SPIRE1: variants seen among roughly 807,000 people sequenced by gnomAD.
The protein encoded by SPIRE1 is spire type actin nucleation factor 1.
SPIRE1 carries 40 observed loss-of-function variants against 94.1 expected under a neutral mutation model. That is an observed-to-expected ratio of 0.43 (90% CI 0.33 to 0.55). The LOEUF is 0.55. SPIRE1 is among the 20% of genes least tolerant of loss of function. The pLI, the probability that SPIRE1 is intolerant of heterozygous loss-of-function variation, is 0.06. For synonymous variants in SPIRE1, 376 were observed against 371.7 expected (o/e 1.01, Z -0.13); for missense variants, 838 against 975.2 (o/e 0.86, Z 1.87).
At chr18:12,457,455 G>A (rs1326290137) in intron 12 of SPIRE1, among the ~76,000 whole-genome samples, 1 of 112,824 alleles carries the variant, frequency 8.9e-6, no homozygotes, top group African/African-American at 5.6e-5. Context: ...CAGCTAGAGC[G>A]GGAGCCCTTC....
chr18:12,521,511 A>G (rs1248874891), intron 4 of SPIRE1, among the ~76,000 whole-genome samples: 1 of 151,632 alleles, frequency 6.6e-6, no homozygotes, highest in Non-Finnish European at 1.5e-5. Context: ...TTTTTGTAGT[A>G]TTAGTAGAGA....
intron 2 of SPIRE1, among the ~76,000 whole-genome samples, chr18:12,586,458 T>C (rs927370375): frequency 1.3e-5 from 2 of 152,194 alleles, no homozygotes; most frequent in African/African-American, 4.8e-5. Flanking sequence ...TTCCATAGGC[T>C]GGAAATGAAG....
Position 12,452,371 on chromosome 18 carries a change from T to C in SPIRE1, c.1896A>G (p.Pro632=), listed in dbSNP as rs370928358. ...CCKKMRLPSK[P]YSTLPIFSLG... ...ATGAAAAGATAGGAAGAGTGGAGTA[T>C]GGTTTGGAGGGCAGCCGCATCTATT... The change falls in exon 16 of 17, where the codon CCA becomes CCG. Residue 632 remains proline, a synonymous_variant. Transcript: ENST00000409402. The C allele has an allele frequency of 2.9e-5, 47 of 1,613,970 alleles. No homozygotes were observed. Among genetic ancestry groups the C allele is most frequent in the Admixed American group, 5.0e-5 (3 of 59,988 alleles).
intron 6 of SPIRE1, among the ~76,000 whole-genome samples, chr18:12,498,515 T>C (rs1178154174): frequency 6.6e-6 from 1 of 152,178 alleles, no homozygotes; most frequent in Non-Finnish European, 1.5e-5. Context: ...CCTAAAGTGC[T>C]GGGATTTCAG....
intron 1 of SPIRE1, among the ~76,000 whole-genome samples, chr18:12,637,097 C>T (rs902913319): frequency 3.9e-5 from 6 of 152,276 alleles, no homozygotes; most frequent in East Asian, 3.9e-4. Context: ...CAGTGGCTCA[C>T]GCCTGTAATC....
intron 2 of SPIRE1, among the ~76,000 whole-genome samples, chr18:12,574,289 G>T (rs915807263): frequency 6.6e-5 from 10 of 152,170 alleles, no homozygotes; most frequent in Non-Finnish European, 1.5e-4. Context: ...CAGTGTTAGA[G>T]AACGGATTAA....
chr18:12,614,197 A>G (rs1443957515), intron 2 of SPIRE1, among the ~76,000 whole-genome samples: 1 of 152,072 alleles, frequency 6.6e-6, no homozygotes, highest in Non-Finnish European at 1.5e-5. Flanking sequence ...GAAGGTGCAG[A>G]CTGCAGTGAG....
At position 12,497,475 on chromosome 18, in the gene SPIRE1, C is replaced by T. The variant is rs183826077; in HGVS notation, c.973-1373G>A. On this transcript the variant is annotated intron_variant, in intron 6 of 16. Transcript: ENST00000409402. ...TCCTATGCCCTGTCCCTTCCCCAGA[C>T]GTGACCACATATTGAGTTCAGAGTG... 4.2e-3 allele frequency among the ~76,000 whole-genome samples: 637 copies of T among 152,274 alleles called. 3 individuals are homozygous for T. Among genetic ancestry groups the T allele is most frequent in the Non-Finnish European group, 6.4e-3 (435 of 68,008 alleles).
chr18:12,645,909 C>G (rs544432734), intron 1 of SPIRE1, among the ~76,000 whole-genome samples: 95 of 152,126 alleles, frequency 6.2e-4, no homozygotes, highest in Non-Finnish European at 1.2e-3. Context: ...TCCTCCGCTC[C>G]AGGCACAGGG....
chr18:12,609,959 A>G (rs769142567), intron 2 of SPIRE1, among the ~76,000 whole-genome samples: 2 of 151,970 alleles, frequency 1.3e-5, no homozygotes, highest in Non-Finnish European at 2.9e-5. Context: ...CTCAGGATCA[A>G]TGTTGGTCCT....
At chr18:12,550,998 T>C (rs2035332885) in intron 2 of SPIRE1, among the ~76,000 whole-genome samples, 2 of 152,332 alleles carry the variant, frequency 1.3e-5, no homozygotes, top group South Asian at 2.1e-4. Context: ...CTCTTATACA[T>C]AGCCAATGCT....
At chr18:12,521,535 T>C (rs1220041019) in intron 4 of SPIRE1, among the ~76,000 whole-genome samples, 1 of 152,072 alleles carries the variant, frequency 6.6e-6, no homozygotes, top group African/African-American at 2.4e-5. Flanking sequence ...GGTTTCATCA[T>C]GTCGGCTAGG....
intron 2 of SPIRE1, among the ~76,000 whole-genome samples, chr18:12,630,702 T>C (rs1020352842): frequency 1.3e-5 from 2 of 152,060 alleles, no homozygotes; most frequent in Admixed American, 6.6e-5. Flanking sequence ...CAATGGAGAA[T>C]CTGAGGCAGA....
chr18:12,657,251 C>G (rs1168473689), intron 1 of SPIRE1, among the ~76,000 whole-genome samples: 1 of 147,854 alleles, frequency 6.8e-6, no homozygotes, highest in South Asian at 2.1e-4. Context: ...AGCACAATGA[C>G]GAGCGCCCCG....
At chr18:12,658,232 C>A, upstream of SPIRE1, 1 of 511,562 alleles carries the variant, frequency 2.0e-6, no homozygotes, top group East Asian at 8.2e-5. Flanking sequence ...AGGGCCTCGC[C>A]TCGAGGCGAG....
chr18:12,513,520 TA>T (rs1943620525), intron 4 of SPIRE1, among the ~76,000 whole-genome samples: 1 of 150,956 alleles, frequency 6.6e-6, no homozygotes, highest in Non-Finnish European at 1.5e-5. Context: ...TTTATTTATT[TA>T]TTTATTTATT....
rs751195668 is a variant in SPIRE1 at position 12,506,575 on chromosome 18, G to A, written c.874C>T (p.Arg292Trp). 8 of 1,613,946 alleles carry A rather than the reference G, an allele frequency of 5.0e-6. No individual in the cohort carries two copies. Among genetic ancestry groups the A allele is most frequent in the Admixed American group, 3.3e-5 (2 of 59,992 alleles). ...NGVKLKKVQE[R>W]QYNPLPIEYQ... is the part of the protein sequence containing the mutation. ...TCAATGGGCAAAGGGTTGTACTGCC[G>A]CTCTTGGACCTTCTTAAGTTTTACC... The change falls in exon 6 of 17, where the codon CGG becomes TGG. Residue 292 changes from arginine (R) to tryptophan (W), a missense_variant. By Grantham distance (101) the Arg-to-Trp change is moderately radical (BLOSUM62 -3). Around this residue, in one of 2 missense-constraint regions of SPIRE1, gnomAD observed 645 missense variants for 804.7 expected, o/e 0.80. Coordinates refer to ENST00000409402, the MANE Select transcript of SPIRE1 (RefSeq NM_001128626.2).
intron 12 of SPIRE1, among the ~76,000 whole-genome samples, chr18:12,460,788 CTT>C (rs746072028): frequency 5.3e-5 from 8 of 152,108 alleles, no homozygotes; most frequent in Non-Finnish European, 8.8e-5. Context: ...CAAAATGATT[CTT>C]TGTTTTCTAA....
intron 2 of SPIRE1, among the ~76,000 whole-genome samples, chr18:12,582,516 T>A (rs1445660400): frequency 1.3e-5 from 2 of 152,176 alleles, no homozygotes; most frequent in African/African-American, 2.4e-5. Context: ...ATTATACAGT[T>A]AATAATTGCT....
Sources: gnomAD v4.1 joint callset for allele counts (sites outside exome capture counted in the v4.1 genomes callset) on GRCh38, gnomAD v4.1.1 for gene constraint, gnomAD v4.1.1 regional missense constraint, MANE v1.5 for transcripts, NCBI Gene and HGNC (gene_info 2026-07-23, HGNC 2026-07-21) for gene names.